The following GRAP2 variants were observed in gnomAD, a reference collection of about 807,000 sequenced individuals.
GRAP2 encodes GRB2 related adaptor protein 2.
A neutral mutation model predicts 43.5 loss-of-function variants in GRAP2; 31 were observed. That is an observed-to-expected ratio of 0.71 (90% CI 0.54 to 0.96). The LOEUF (loss-of-function observed/expected upper bound fraction) is 0.96, where lower values mean the gene tolerates loss of function less well. GRAP2 is among the 40% of genes least tolerant of loss of function. The pLI, the probability that GRAP2 is intolerant of heterozygous loss-of-function variation, is 0.00. For synonymous variants in GRAP2, 156 were observed against 164.8 expected (o/e 0.95, Z 0.41); for missense variants, 371 against 424.4 (o/e 0.87, Z 1.11).
At chr22:39,934,703 G>T (rs973162449) in intron 1 of GRAP2, among the ~76,000 whole-genome samples, 1 of 152,072 alleles carries the variant, frequency 6.6e-6, no homozygotes, top group Admixed American at 6.5e-5. Flanking sequence ...TGTAGTTATT[G>T]TTGCTTAATT....
intron 1 of GRAP2, among the ~76,000 whole-genome samples, chr22:39,926,134 G>A (rs534821882): frequency 7.2e-5 from 11 of 152,194 alleles, no homozygotes; most frequent in Non-Finnish European, 1.3e-4. Flanking sequence ...CATCTAGCAC[G>A]GTGCCTGGTA....
intron 2 of GRAP2, among the ~76,000 whole-genome samples, chr22:39,950,698 T>C (rs1376502502): frequency 2.8e-4 from 43 of 152,242 alleles, no homozygotes; most frequent in Admixed American, 2.6e-3. Flanking sequence ...TAGAATTCCA[T>C]TGGAAAGCCA....
At chr22:39,901,694 G>C (rs1042887584) in intron 1 of GRAP2, among the ~76,000 whole-genome samples, 1 of 152,174 alleles carries the variant, frequency 6.6e-6, no homozygotes, top group Non-Finnish European at 1.5e-5. Flanking sequence ...TGGAGGGGGT[G>C]GTAGAGGGCT....
At chr22:39,918,529 T>G (rs2066622786) in intron 1 of GRAP2, among the ~76,000 whole-genome samples, 1 of 152,210 alleles carries the variant, frequency 6.6e-6, no homozygotes, top group African/African-American at 2.4e-5. Flanking sequence ...ACATTTTCCC[T>G]TAATTGAAAA....
chr22:39,914,906 A>T (rs1489224257), intron 1 of GRAP2, among the ~76,000 whole-genome samples: 1 of 152,124 alleles, frequency 6.6e-6, no homozygotes, highest in African/African-American at 2.4e-5. Context: ...TATTCATTTT[A>T]GGCCAGGCAC....
chr22:39,919,625 C>T (rs2066633132), intron 1 of GRAP2, among the ~76,000 whole-genome samples: 1 of 152,166 alleles, frequency 6.6e-6, no homozygotes, highest in South Asian at 2.1e-4. Flanking sequence ...GAGATTAAAT[C>T]TAACACCCAG....
intron 1 of GRAP2, among the ~76,000 whole-genome samples, chr22:39,923,319 G>A (rs1464675358): frequency 6.6e-6 from 1 of 152,216 alleles, no homozygotes; most frequent in Non-Finnish European, 1.5e-5. Context: ...AGAGCAATAT[G>A]TGTGTATTTC....
intron 4 of GRAP2, among the ~76,000 whole-genome samples, chr22:39,961,076 G>T (rs2067115113): frequency 6.6e-6 from 1 of 151,424 alleles, no homozygotes; most frequent in Admixed American, 6.6e-5. Flanking sequence ...CTCTCAAGTA[G>T]CTGGGGATAC....
intron 2 of GRAP2, among the ~76,000 whole-genome samples, chr22:39,952,544 A>G (rs924283787): frequency 2.6e-5 from 4 of 151,900 alleles, no homozygotes; most frequent in Admixed American, 6.6e-5. Flanking sequence ...AGTTCTTTTG[A>G]CCTAGATTTT....
At chr22:39,956,832 C>T (rs931909830) in intron 3 of GRAP2, among the ~76,000 whole-genome samples, 1 of 152,170 alleles carries the variant, frequency 6.6e-6, no homozygotes, top group Non-Finnish European at 1.5e-5. Flanking sequence ...TCAATCACGG[C>T]GTTCCCCAGA....
chr22:39,948,933 C>G (rs2066952980), intron 2 of GRAP2, among the ~76,000 whole-genome samples: 1 of 152,134 alleles, frequency 6.6e-6, no homozygotes, highest in Admixed American at 6.5e-5. Context: ...GAAGGTGCTG[C>G]CTTTGGCTTT....
At position 39,946,989 on chromosome 22, in the gene GRAP2, A is replaced by G. The variant is rs148328786; in HGVS notation, c.-14-104A>G. 9.8e-3 allele frequency: 7,295 copies of G among 744,772 alleles called. 57 individuals are homozygous for G. Among genetic ancestry groups the G allele is most frequent in the Non-Finnish European group, 0.013 (5,141 of 406,032 alleles). The allele number at this position is 744,772 out of a possible 1,614,324, so 46.1% of individuals were successfully genotyped here. A position where few individuals can be genotyped will look rare whatever the true frequency, so the allele number is the denominator to read the frequency against. On this transcript the variant is annotated intron_variant, in intron 1 of 7. Coordinates refer to ENST00000344138, the MANE Select transcript of GRAP2 (RefSeq NM_004810.4). ...CTTGCTCTCCGGCCTGGAGACATCC[A>G]TCTGCCCACTCTCCTAGGAACTGCT...
chr22:39,944,550 GAGCC>G (rs1422813089), intron 1 of GRAP2, among the ~76,000 whole-genome samples: 1 of 152,134 alleles, frequency 6.6e-6, no homozygotes, highest in African/African-American at 2.4e-5. Context: ...TGGGTTTTTT[GAGCC>G]AGGATTAATA....
chr22:39,935,423 A>T (rs2066797075), intron 1 of GRAP2, among the ~76,000 whole-genome samples: 1 of 152,194 alleles, frequency 6.6e-6, no homozygotes, highest in Non-Finnish European at 1.5e-5. Context: ...ATTTAATCAA[A>T]ACTGGCAAGT....
At chr22:39,945,530 CGCTGAAAGTCTATTAGGTTGGAG>C (rs1569206876) in intron 1 of GRAP2, among the ~76,000 whole-genome samples, 6 of 152,232 alleles carry the variant, frequency 3.9e-5, no homozygotes, top group African/African-American at 1.4e-4. Context: ...GTTGACTGGT[CGCTGAAAGTCTATTAGGTTGGAG>C]AGTATTTATT....
intron 3 of GRAP2, among the ~76,000 whole-genome samples, chr22:39,957,775 A>T (rs2067073564): frequency 3.9e-5 from 6 of 151,970 alleles, no homozygotes; most frequent in Admixed American, 3.9e-4. Context: ...CTCTACAAAA[A>T]ATTTTTAAAA....
chr22:39,952,797 T>C (rs1217170300), intron 2 of GRAP2, among the ~76,000 whole-genome samples: 1 of 152,186 alleles, frequency 6.6e-6, no homozygotes, highest in Non-Finnish European at 1.5e-5. Flanking sequence ...CTCATAAGAA[T>C]ACCACATTTG....
chr22:39,948,672 T>C (rs1330108030), intron 2 of GRAP2, among the ~76,000 whole-genome samples: 1 of 152,146 alleles, frequency 6.6e-6, no homozygotes, highest in Non-Finnish European at 1.5e-5. Context: ...CTCTCTGGAA[T>C]CTGCCTTTTA....
chr22:39,897,392 A>T (rs1485647949), upstream of GRAP2, among the ~76,000 whole-genome samples: 1 of 152,144 alleles, frequency 6.6e-6, no homozygotes, highest in Non-Finnish European at 1.5e-5. Context: ...AGATACAATA[A>T]CATTATCTAT....
Sources: allele counts gnomAD v4.1 joint callset (sites outside exome capture counted in the v4.1 genomes callset), GRCh38; gene constraint gnomAD v4.1.1; transcripts MANE v1.5; gene names NCBI Gene and HGNC (gene_info 2026-07-23, HGNC 2026-07-21).